Variants in HS1BP3 observed in about 807,000 individuals in gnomAD.
HS1BP3 encodes the protein HCLS1-binding protein 3.
A neutral mutation model predicts 33.5 loss-of-function variants in HS1BP3; 32 were observed. The observed-to-expected ratio is 0.95, with a 90% CI of 0.72 to 1.28. The LOEUF is 1.28. Among genes scored for constraint, HS1BP3 ranks in the 50% most tolerant of loss-of-function variants. The pLI is 0.00. For synonymous variants in HS1BP3, 187 were observed against 209.2 expected, an observed-to-expected ratio of 0.89 and a Z score of 0.92; for missense variants, 486 against 502.3, an observed-to-expected ratio of 0.97 and a Z score of 0.31.
chr2:20,595,273 C>G (rs1456497311), intron 3 of HS1BP3, among the ~76,000 whole-genome samples: 2 of 152,226 alleles, frequency 1.3e-5, no homozygotes, highest in South Asian at 2.1e-4. Flanking sequence ...CCCTGGGACA[C>G]AGCTGTAACT....
At chr2:20,585,044 G>A (rs1180666554) in intron 5 of HS1BP3, among the ~76,000 whole-genome samples, 2 of 152,204 alleles carry the variant, frequency 1.3e-5, no homozygotes, top group South Asian at 2.1e-4. Context: ...AAAGGTACTT[G>A]CTCCCTCATC....
chr2:20,555,181 G>A, the HS1BP3 span, among the ~76,000 whole-genome samples: 19 of 152,282 alleles, frequency 1.2e-4, no homozygotes, highest in Middle Eastern at 3.4e-3. Flanking sequence ...CTCCCCATGC[G>A]ACGCTAGGAA....
Position 20,561,223 on chromosome 2 carries a change from C to T in HS1BP3, c.303-708G>A, listed in dbSNP as rs1395184870. Among the ~76,000 whole-genome samples, 8 of 152,318 alleles carry T rather than the reference C, an allele frequency of 5.3e-5. 1 individual carries two copies. The South Asian group carries it at 1.5e-3, about 28-fold the overall frequency. Reference sequence around the variant, plus strand: ...CCCCAGTCTTCTCCTGTGGTGCCCTCGCTGTCCTGCAGCTCAGAGCTGGCA... The same window carrying T: ...CCCCAGTCTTCTCCTGTGGTGCCCTTGCTGTCCTGCAGCTCAGAGCTGGCA... On this transcript the variant is annotated intron_variant, in intron 5 of 5. Coordinates refer to the HS1BP3 transcript ENST00000446825.
At chr2:20,573,327 G>A (rs1693319804) in intron 5 of HS1BP3, among the ~76,000 whole-genome samples, 1 of 152,094 alleles carries the variant, frequency 6.6e-6, no homozygotes, top group Non-Finnish European at 1.5e-5. Context: ...CTCTGGAACT[G>A]TGAGAGAATA....
Position 20,596,152 on chromosome 2 carries a change from C to T in HS1BP3, c.*12+2056G>A, listed in dbSNP as rs1012929729. On this transcript the variant is annotated intron_variant, in intron 3 of 3. Transcript: ENST00000415264. ...CTCTCACAACTCTCCCCTCCTTCCCCGTGACACTGCTCTAATCCCACCTCT... is the reference window on the plus strand; with the variant it reads ...CTCTCACAACTCTCCCCTCCTTCCCTGTGACACTGCTCTAATCCCACCTCT... Among the ~76,000 whole-genome samples, 20 of 152,294 alleles carry T rather than the reference C, an allele frequency of 1.3e-4. No homozygotes were observed. The South Asian group carries it at 1.5e-3, about 11-fold the overall frequency.
chr2:20,645,763 C>G (rs1397492474), intron 1 of HS1BP3, among the ~76,000 whole-genome samples: 1 of 152,234 alleles, frequency 6.6e-6, no homozygotes, highest in Non-Finnish European at 1.5e-5. Flanking sequence ...TGCAGGAAAA[C>G]AGGAAAGGAT....
intron 3 of HS1BP3, among the ~76,000 whole-genome samples, chr2:20,639,111 C>T (rs1695259892): frequency 6.6e-6 from 1 of 152,234 alleles, no homozygotes; most frequent in Admixed American, 6.5e-5. Context: ...AGGAACTCTG[C>T]AGACAGAGAC....
intron 2 of HS1BP3, chr2:20,606,475 C>T (rs1033870128): frequency 6.2e-6 from 3 of 482,022 alleles, no homozygotes; most frequent in Non-Finnish European, 1.3e-5. Context: ...TGGGAACTTC[C>T]TTACAGGGTT....
intron 4 of HS1BP3, among the ~76,000 whole-genome samples, chr2:20,627,634 A>C (rs1430571498): frequency 6.6e-6 from 1 of 152,086 alleles, no homozygotes; most frequent in African/African-American, 2.4e-5. Flanking sequence ...AACTGAAATA[A>C]AGTGGATCTA....
At chr2:20,636,112 C>T (rs1377263290) in intron 4 of HS1BP3, 1 of 152,296 alleles carries the variant, frequency 6.6e-6, no homozygotes, top group Non-Finnish European at 1.5e-5. Context: ...GGTGCCGCTG[C>T]ATCTGCACAG....
rs56129718 is a variant in HS1BP3 at position 20,609,149 on chromosome 2, G to A, written c.179-10884C>T. On this transcript the variant is annotated intron_variant, in intron 2 of 3. Coordinates refer to the HS1BP3 transcript ENST00000415264. ...CTCTGTGGCTCTCCACCCATGGGTA[G>A]CTGCAGGATGAGCACCGTCCTTGGG... Among the ~76,000 whole-genome samples, 950 of 152,348 alleles carry A rather than the reference G, an allele frequency of 6.2e-3. 5 individuals carry two copies. Among genetic ancestry groups the A allele is most frequent in the Middle Eastern group, 0.017 (5 of 294 alleles).
At chr2:20,565,494 C>A (rs1008452917) in intron 5 of HS1BP3, among the ~76,000 whole-genome samples, 2 of 152,224 alleles carry the variant, frequency 1.3e-5, no homozygotes, top group African/African-American at 2.4e-5. Flanking sequence ...ACCTGCTATA[C>A]CCTGACCCAG....
intron 3 of HS1BP3, among the ~76,000 whole-genome samples, chr2:20,593,343 T>C (rs1693864124): frequency 6.6e-6 from 1 of 152,194 alleles, no homozygotes; most frequent in African/African-American, 2.4e-5. Flanking sequence ...ATGTTGTTCA[T>C]TGTCTCCCCT....
intron 2 of HS1BP3, among the ~76,000 whole-genome samples, chr2:20,643,616 G>A (rs1477873118): frequency 6.6e-6 from 1 of 152,138 alleles, no homozygotes; most frequent in Non-Finnish European, 1.5e-5. Context: ...TCATGACGTT[G>A]TTGAATGTCC....
At chr2:20,573,907 G>A (rs1693337711) in intron 5 of HS1BP3, among the ~76,000 whole-genome samples, 1 of 152,204 alleles carries the variant, frequency 6.6e-6, no homozygotes, top group South Asian at 2.1e-4. Context: ...CTGCATGGTG[G>A]CCTGGTTGGT....
intron 4 of HS1BP3, among the ~76,000 whole-genome samples, chr2:20,630,176 TC>T (rs548651236): frequency 9.8e-5 from 15 of 152,370 alleles, no homozygotes; most frequent in African/African-American, 3.6e-4. Context: ...GAAATCCACC[TC>T]CTTGCCAATG....
intron 6 of HS1BP3, among the ~76,000 whole-genome samples, chr2:20,620,292 G>T (rs1343125879): frequency 6.6e-6 from 1 of 152,254 alleles, no homozygotes; most frequent in Non-Finnish European, 1.5e-5. Context: ...AAAGGGCCTT[G>T]CCCTGAGACC....
At chr2:20,577,232 C>T (rs569003530) in intron 5 of HS1BP3, among the ~76,000 whole-genome samples, 10 of 151,968 alleles carry the variant, frequency 6.6e-5, no homozygotes, top group South Asian at 4.2e-4. Flanking sequence ...ATTTCCGTAT[C>T]GGGGAGGGCC....
chr2:20,555,064 G>A, the HS1BP3 span, among the ~76,000 whole-genome samples: 10 of 152,130 alleles, frequency 6.6e-5, no homozygotes, highest in Non-Finnish European at 1.5e-4. Flanking sequence ...ATTAGTCTTG[G>A]GCCTGCAGCG....
Sources: gnomAD v4.1 joint callset for allele counts (sites outside exome capture counted in the v4.1 genomes callset) on GRCh38, gnomAD v4.1.1 for gene constraint, MANE v1.5 for transcripts, NCBI Gene and HGNC (gene_info 2026-07-23, HGNC 2026-07-21) for gene names.